Variants in SUGCT observed in about 807,000 individuals in gnomAD.
SUGCT encodes succinyl-CoA:glutarate CoA-transferase.
Under a neutral mutation model 55.0 loss-of-function variants are expected in SUGCT, and 41 were observed. That is an observed-to-expected ratio of 0.74 (90% CI 0.58 to 0.97). SUGCT has a LOEUF of 0.97. SUGCT is among the 50% of genes least tolerant of loss of function. The probability of loss-of-function intolerance (pLI) is 0.00; values close to 1 mark genes in which losing one functional copy is unlikely to be tolerated. For synonymous variants in SUGCT, 187 were observed against 200.4 expected (o/e 0.93, Z 0.56); for missense variants, 568 against 547.8 (o/e 1.04, Z -0.37).
chr7:40,993,162 G>A, the SUGCT span, among the ~76,000 whole-genome samples: 4 of 152,106 alleles, frequency 2.6e-5, no homozygotes, highest in African/African-American at 9.7e-5. Context: ...TCTGGTTTGT[G>A]GACCTCTTGG....
At chr7:40,225,435 A>G (rs889799429) in intron 6 of SUGCT, among the ~76,000 whole-genome samples, 1 of 138,354 alleles carries the variant, frequency 7.2e-6, no homozygotes, top group Non-Finnish European at 1.6e-5. Flanking sequence ...ATAATATATG[A>G]TTTTTTTTTT....
chr7:40,706,831 A>G (rs1379194080), intron 12 of SUGCT, among the ~76,000 whole-genome samples: 8 of 152,316 alleles, frequency 5.3e-5, no homozygotes, highest in Middle Eastern at 3.4e-3. Context: ...CTGGCTTTGC[A>G]TTTAGAAGGC....
At position 40,366,354 on chromosome 7, in the gene SUGCT, G is replaced by A. The variant is rs150464912; in HGVS notation, c.816+49499G>A. Among the ~76,000 whole-genome samples the A allele has an allele frequency of 6.7e-3, 1,018 of 152,278 alleles. 9 individuals carry two copies. The highest frequency in any genetic ancestry group is 0.01 in the Non-Finnish European group (707 of 68,032). On this transcript the variant is annotated intron_variant, in intron 9 of 13. Transcript: ENST00000335693. ...ATTACCATTCAGGACATAGGCATGG[G>A]CGAGGACTACATGTCTAAAACACCA... is the stretch of plus-strand genomic sequence containing the variant.
chr7:40,657,710 A>G (rs1481351356), intron 12 of SUGCT, among the ~76,000 whole-genome samples: 2 of 152,032 alleles, frequency 1.3e-5, no homozygotes, highest in Non-Finnish European at 2.9e-5. Flanking sequence ...AATTTTTTGT[A>G]TTTTTAGTGG....
the SUGCT span, among the ~76,000 whole-genome samples, chr7:40,950,933 G>A: frequency 8.2e-4 from 125 of 151,808 alleles, no homozygotes; most frequent in African/African-American, 2.9e-3. Flanking sequence ...TTTTTGTTGT[G>A]TCTCTGCCAG....
chr7:40,635,113 CT>C (rs1185419456), intron 12 of SUGCT, among the ~76,000 whole-genome samples: 1 of 151,964 alleles, frequency 6.6e-6, no homozygotes, highest in Non-Finnish European at 1.5e-5. Flanking sequence ...TGGTAAAACC[CT>C]GTCCCTACTA....
chr7:40,377,204 T>TTC (rs1554326874), intron 9 of SUGCT, among the ~76,000 whole-genome samples: 45 of 11,824 alleles, frequency 3.8e-3, no homozygotes, highest in East Asian at 0.033. Context: ...CTTTCTTTTC[T>TTC]TTTCTTTTCT....
At chr7:40,750,622 C>T (rs1296630880) in intron 13 of SUGCT, among the ~76,000 whole-genome samples, 1 of 152,092 alleles carries the variant, frequency 6.6e-6, no homozygotes, top group Non-Finnish European at 1.5e-5. Flanking sequence ...CCATAACCTA[C>T]CAGATAGTGA....
At chr7:40,185,562 G>T (rs1785455767) in intron 3 of SUGCT, among the ~76,000 whole-genome samples, 1 of 151,630 alleles carries the variant, frequency 6.6e-6, no homozygotes, top group African/African-American at 2.4e-5. Flanking sequence ...CGCTCTTCTT[G>T]CCCAGGCTGG....
chr7:41,026,632 A>G, the SUGCT span, among the ~76,000 whole-genome samples: 2 of 152,254 alleles, frequency 1.3e-5, no homozygotes, highest in East Asian at 3.8e-4. Context: ...TTGTCTTTAG[A>G]TAGTATTAAC....
In SUGCT at chr7:40,413,450, G is replaced by T. The variant is rs117704935; in HGVS notation, c.817-35837G>T. Among the ~76,000 whole-genome samples, 386 of 152,178 alleles carry T rather than the reference G, an allele frequency of 2.5e-3. 14 individuals carry two copies. The East Asian group carries it at 0.05, about 20-fold the overall frequency. Reference sequence around the variant, plus strand: ...CAAAATAAACTCCAGATGGATTAAAGATTTAAATGTTAAAAAAATCAAACT... The same window carrying T: ...CAAAATAAACTCCAGATGGATTAAATATTTAAATGTTAAAAAAATCAAACT... On this transcript the variant is annotated intron_variant, in intron 9 of 13. Transcript: ENST00000335693.
chr7:40,638,849 G>A (rs1005226455), intron 12 of SUGCT, among the ~76,000 whole-genome samples: 7 of 152,310 alleles, frequency 4.6e-5, no homozygotes, highest in Non-Finnish European at 7.3e-5. Flanking sequence ...TAGGTGGGAC[G>A]TGTGCTGCAA....
intron 12 of SUGCT, among the ~76,000 whole-genome samples, chr7:40,601,915 A>G (rs1479969582): frequency 6.6e-6 from 1 of 152,164 alleles, no homozygotes; most frequent in Non-Finnish European, 1.5e-5. Context: ...GTATCTAAAA[A>G]AGGATTGCCC....
the SUGCT span, among the ~76,000 whole-genome samples, chr7:41,032,995 C>A: frequency 6.6e-6 from 1 of 152,194 alleles, no homozygotes; most frequent in South Asian, 2.1e-4. Flanking sequence ...ATCTCCTGAC[C>A]TTGTGATCCA....
chr7:40,827,382 A>G (rs976176146), intron 13 of SUGCT, among the ~76,000 whole-genome samples: 3 of 152,046 alleles, frequency 2.0e-5, no homozygotes, highest in Non-Finnish European at 4.4e-5. Context: ...AGGGGAGAGA[A>G]GCCTTCTATG....
At chr7:40,898,218 C>G in the SUGCT span, among the ~76,000 whole-genome samples, 1 of 152,122 alleles carries the variant, frequency 6.6e-6, no homozygotes, top group Non-Finnish European at 1.5e-5. Flanking sequence ...AACTATAACA[C>G]TCACTGCAAA....
chr7:40,312,823 A>G (rs1277744946), intron 8 of SUGCT, among the ~76,000 whole-genome samples: 1 of 152,224 alleles, frequency 6.6e-6, no homozygotes, highest in Non-Finnish European at 1.5e-5. Flanking sequence ...GCTGTAGGCC[A>G]GAAGACATGC....
intron 9 of SUGCT, among the ~76,000 whole-genome samples, chr7:40,427,442 A>T (rs1052781102): frequency 6.6e-6 from 1 of 152,194 alleles, no homozygotes; most frequent in African/African-American, 2.4e-5. Flanking sequence ...CCCCCTTAAC[A>T]TAGTGTGGAC....
chr7:40,854,797 G>T (rs1794085024), intron 13 of SUGCT, among the ~76,000 whole-genome samples: 1 of 151,832 alleles, frequency 6.6e-6, no homozygotes, highest in Non-Finnish European at 1.5e-5. Flanking sequence ...TTAGCCTGCT[G>T]TGGTGGTACA....
Sources: allele counts gnomAD v4.1 joint callset (sites outside exome capture counted in the v4.1 genomes callset), GRCh38; gene constraint gnomAD v4.1.1; transcripts MANE v1.5; gene names NCBI Gene and HGNC (gene_info 2026-07-23, HGNC 2026-07-21).